NEK5: variants seen among roughly 807,000 people sequenced by gnomAD.
NEK5 encodes NIMA related kinase 5, also known as serine/threonine-protein kinase Nek5.
In NEK5, 88 loss-of-function variants were observed where a neutral mutation model predicts 109.2. The observed-to-expected ratio is 0.81, with a 90% confidence interval of 0.68 to 0.96. NEK5 has a LOEUF of 0.96. NEK5 is among the 40% of genes least tolerant of loss of function. NEK5 has a pLI of 0.00. For synonymous variants in NEK5, 283 were observed against 299.9 expected, an observed-to-expected ratio of 0.94 and a Z score of 0.58; for missense variants, 834 against 920.7, an observed-to-expected ratio of 0.91 and a Z score of 1.22.
chr13:52,086,318 C>T lies in NEK5; in HGVS notation c.1438G>A (p.Asp480Asn), dbSNP rs1318411336. ...ATCTTCTTTCTAATTTCTTTCATGT[C>T]ATTGTGGTACTGTTGGCGTATTTCC... Reference protein sequence around the residue: ...LEEIRQQYHNDMKEIRKKMGR... With the variant: ...LEEIRQQYHNNMKEIRKKMGR... The change falls in exon 16 of 24, where the codon GAC becomes AAC. Residue 480 changes from aspartate (D) to asparagine (N), a missense_variant. Around this residue, in one of 2 missense-constraint regions of NEK5, gnomAD observed 777 missense variants for 824.7 expected, o/e 0.94. Transcript: ENST00000684899. 18 of 1,612,700 alleles carry T rather than the reference C, an allele frequency of 1.1e-5. No individual in the cohort carries two copies. The highest frequency in any genetic ancestry group is 2.7e-5 in the African/African-American group (2 of 74,894).
chr13:52,113,869 C>T (rs1955802369), intron 4 of NEK5, among the ~76,000 whole-genome samples: 1 of 152,174 alleles, frequency 6.6e-6, no homozygotes. Flanking sequence ...TCTCCCCTTC[C>T]ACCATGTGAA....
chr13:52,093,097 C>T lies in NEK5; in HGVS notation c.1165G>A (p.Asp389Asn), dbSNP rs780082875. 3 of 1,613,600 alleles carry T rather than the reference C, an allele frequency of 1.9e-6. No homozygotes were observed. Among genetic ancestry groups the T allele is most frequent in the Non-Finnish European group, 2.5e-6 (3 of 1,179,704 alleles). The change falls in exon 13 of 24, where the codon GAT becomes AAT. Residue 389 changes from aspartate to asparagine, a missense_variant. Around this residue, in one of 2 missense-constraint regions of NEK5, gnomAD observed 777 missense variants for 824.7 expected, o/e 0.94. Transcript: ENST00000684899. ...PIPQENTGVE[D>N]YGQETRHGPS... The stretch of plus-strand genomic sequence containing the variant: ...CCATGCCTCGTTTCCTGACCGTAAT[C>T]CTCAACTCCAGTATTTTCTTGAGGA...
At chr13:52,089,686 G>A (rs989982123) in intron 13 of NEK5, among the ~76,000 whole-genome samples, 9 of 151,988 alleles carry the variant, frequency 5.9e-5, no homozygotes, top group Admixed American at 3.9e-4. Flanking sequence ...ACAGGTTGTC[G>A]CTCCTGATTT....
chr13:52,060,705 T>C lies in NEK5; in HGVS notation c.2110+1114A>G, dbSNP rs145480356. Among the ~76,000 whole-genome samples the C allele has an allele frequency of 1.8e-3, 274 of 152,198 alleles. 2 individuals carry two copies. The highest frequency in any genetic ancestry group is 6.4e-3 in the African/African-American group (265 of 41,520). ...TCTAGTACCTTAGTTTTTCTACTTG[T>C]TTTTCAACCTCACTTCACCACAAAA... is the stretch of plus-strand genomic sequence containing the variant. On this transcript the variant is annotated intron_variant, in intron 22 of 23. Coordinates refer to ENST00000684899, the MANE Select transcript of NEK5 (RefSeq NM_001365552.1).
chr13:52,080,114 G>A (rs1423273601), intron 17 of NEK5, among the ~76,000 whole-genome samples: 2 of 151,586 alleles, frequency 1.3e-5, no homozygotes, highest in Admixed American at 6.6e-5. Context: ...CAGCCACCCC[G>A]TCTGGGAGGT....
chr13:52,037,646 G>A (rs560226283), intron 23 of NEK5, among the ~76,000 whole-genome samples: 4 of 152,266 alleles, frequency 2.6e-5, no homozygotes, highest in South Asian at 4.1e-4. Flanking sequence ...AAATGTGGCC[G>A]GGCGCGGTGG....
At chr13:52,096,214 G>A (rs1454577045) in intron 12 of NEK5, among the ~76,000 whole-genome samples, 1 of 152,144 alleles carries the variant, frequency 6.6e-6, no homozygotes, top group Non-Finnish European at 1.5e-5. Context: ...TATGAGAATG[G>A]ACTAACACAG....
chr13:52,103,009 C>A (rs1955573092), intron 9 of NEK5, among the ~76,000 whole-genome samples: 1 of 152,110 alleles, frequency 6.6e-6, no homozygotes, highest in Non-Finnish European at 1.5e-5. Flanking sequence ...TTATCTCTTG[C>A]TTTTTAAAAT....
At chr13:52,042,063 T>C (rs544875919) in intron 23 of NEK5, among the ~76,000 whole-genome samples, 3 of 151,600 alleles carry the variant, frequency 2.0e-5, no homozygotes, top group African/African-American at 7.2e-5. Flanking sequence ...AAAGGAAAAA[T>C]AATGAGATGA....
intron 7 of NEK5, among the ~76,000 whole-genome samples, chr13:52,109,273 C>A (rs1038609918): frequency 3.3e-5 from 5 of 152,100 alleles, no homozygotes; most frequent in Non-Finnish European, 5.9e-5. Flanking sequence ...GTCTGATATG[C>A]CTCATTAACT....
chr13:52,080,889 TA>T (rs61101943), intron 17 of NEK5, among the ~76,000 whole-genome samples: 2,558 of 133,584 alleles, frequency 0.019, 60 homozygotes, highest in African/African-American at 0.065. Context: ...AATGATCAAT[TA>T]AAAAAAAAAA....
chr13:52,099,972 A>G (rs1955497573), intron 11 of NEK5, 96 bp from the exon 12 acceptor site: 3 of 927,078 alleles, frequency 3.2e-6, no homozygotes, highest in Non-Finnish European at 4.9e-6. Flanking sequence ...TACATTTCAT[A>G]ACACAGTAAG....
intron 13 of NEK5, 137 bp from the exon 14 acceptor site, chr13:52,089,450 A>G (rs1955229773): frequency 3.3e-6 from 2 of 601,674 alleles, no homozygotes; most frequent in Admixed American, 3.3e-5. Context: ...GAAGTAGTTC[A>G]CAGTTACAGA....
At chr13:52,099,496 C>T (rs1955485202) in intron 12 of NEK5, among the ~76,000 whole-genome samples, 2 of 152,106 alleles carry the variant, frequency 1.3e-5, no homozygotes, top group African/African-American at 2.4e-5. Context: ...ATGGTGAAAC[C>T]CCATCTCTAC....
At position 52,110,400 on chromosome 13, in the gene NEK5, A is replaced by T; in HGVS notation, c.407T>A (p.Leu136His). Residue 136 changes from leucine (L) to histidine (H), a missense_variant, in exon 7 of 24, where the codon CTT becomes CAT. By Grantham distance (99) the Leu-to-His change is moderately conservative. This residue lies in a region of NEK5 where 777 missense variants were observed against 824.7 expected (regional missense o/e 0.94). Coordinates refer to ENST00000684899, the MANE Select transcript of NEK5 (RefSeq NM_001365552.1). ...CTTTGCCACCATTCCGTTCTTGCTA[A>T]GAAAAATGTTCTATAAATGGAGAAA... is the stretch of plus-strand genomic sequence containing the variant. ...HRDIKAQNIF[L>H]SKNGMVAKLG... is the part of the protein sequence containing the mutation. 6.2e-7 allele frequency: 1 copy of T among 1,613,288 alleles called. No individual in the cohort carries two copies. The highest frequency in any genetic ancestry group is 2.2e-5 in the East Asian group (1 of 44,846).
At chr13:52,040,874 A>G (rs1954407411) in intron 23 of NEK5, among the ~76,000 whole-genome samples, 1 of 152,198 alleles carries the variant, frequency 6.6e-6, no homozygotes, top group African/African-American at 2.4e-5. Flanking sequence ...TCAAGCTCCA[A>G]ACACAAGTGA....
At position 52,034,126 on chromosome 13, in the gene NEK5, A is replaced by C. The variant is rs564099251; in HGVS notation, c.*2822T>G. ...TACACTTATTGCTACCATTTACAGA[A>C]TGATCAATTTGATAGCTATCATACA... is the stretch of plus-strand genomic sequence containing the variant. On this transcript the variant is annotated 3_prime_UTR_variant, in exon 24 of 24. Transcript: ENST00000684899. 1.3e-5 allele frequency: 2 copies of C among 152,344 alleles called. No individual in the cohort carries two copies. Among genetic ancestry groups the C allele is most frequent in the South Asian group, 4.1e-4 (2 of 4,834 alleles). The allele number at this position is 152,344 out of a possible 1,614,324, so 9.4% of individuals were successfully genotyped here.
intron 22 of NEK5, among the ~76,000 whole-genome samples, chr13:52,057,566 C>A (rs1273364309): frequency 6.6e-6 from 1 of 151,964 alleles, no homozygotes; most frequent in Non-Finnish European, 1.5e-5. Flanking sequence ...ACTGGCAAAC[C>A]GAATCCAGCA....
In NEK5 at chr13:52,053,445, AT is replaced by A. The variant is rs201885198; in HGVS notation, c.2111-3225del. ...TTTGTAACTGAGTGCCCTATTTTTA[AT>A]TTTTTTTTCCTCCTGCAGCCCTCTG... On this transcript the variant is annotated intron_variant, in intron 22 of 23. Coordinates refer to ENST00000684899, the MANE Select transcript of NEK5 (RefSeq NM_001365552.1). Among the ~76,000 whole-genome samples, 25 of 151,728 alleles carry A rather than the reference AT, an allele frequency of 1.6e-4. No homozygotes were observed. The East Asian group carries it at 3.3e-3, about 20-fold the overall frequency.
Sources: gnomAD v4.1 joint callset for allele counts (sites outside exome capture counted in the v4.1 genomes callset) on GRCh38, gnomAD v4.1.1 for gene constraint, gnomAD v4.1.1 regional missense constraint, MANE v1.5 for transcripts, NCBI Gene and HGNC (gene_info 2026-07-23, HGNC 2026-07-21) for gene names.